Variants in ADAMTS19 observed in about 807,000 individuals in gnomAD.
ADAMTS19 encodes the protein A disintegrin and metalloproteinase with thrombospondin motifs 19.
A neutral mutation model predicts 153.3 loss-of-function variants in ADAMTS19; 93 were observed. That is an observed-to-expected ratio of 0.61 (90% CI 0.51 to 0.72). The LOEUF is 0.72. ADAMTS19 is among the 30% of genes least tolerant of loss of function. ADAMTS19 has a pLI of 0.00. For missense variants in ADAMTS19, 1,482 were observed against 1,552.1 expected (o/e 0.95, Z 0.76); for synonymous variants, 600 against 556.6 (o/e 1.08, Z -1.10).
intron 6 of ADAMTS19, among the ~76,000 whole-genome samples, chr5:129,543,630 G>A (rs773509635): frequency 2.0e-5 from 3 of 152,112 alleles, no homozygotes; most frequent in Non-Finnish European, 2.9e-5. Flanking sequence ...GGCAAACAGA[G>A]GTAGGGGAAA....
At position 129,464,071 on chromosome 5, in the gene ADAMTS19, A is replaced by C. The variant is rs1580973547; in HGVS notation, c.747+2314A>C. Among the ~76,000 whole-genome samples the C allele has an allele frequency of 2.6e-5, 4 of 152,224 alleles. No individual in the cohort carries two copies. In the South Asian group the frequency reaches 8.3e-4, roughly 32 times the overall value. On this transcript the variant is annotated intron_variant, in intron 2 of 22. Coordinates refer to ENST00000274487, the MANE Select transcript of ADAMTS19 (RefSeq NM_133638.6). The stretch of plus-strand genomic sequence containing the variant: ...ATGGAGAGGATTTCACCAGGCAGAA[A>C]AAAAAGCTGGAGTGTTGTAGGTAGA...
chr5:129,677,416 G>A (rs1054288455), intron 16 of ADAMTS19, among the ~76,000 whole-genome samples: 2 of 151,934 alleles, frequency 1.3e-5, no homozygotes. Context: ...GGCAGAAGTT[G>A]CAGTGAGCTG....
intron 10 of ADAMTS19, among the ~76,000 whole-genome samples, chr5:129,634,508 T>C (rs1307853046): frequency 6.6e-6 from 1 of 152,064 alleles, no homozygotes; most frequent in Non-Finnish European, 1.5e-5. Flanking sequence ...GCTGGAGGCA[T>C]GATGTTACCT....
At chr5:129,732,241 A>G (rs1757469441) in intron 21 of ADAMTS19, among the ~76,000 whole-genome samples, 1 of 152,136 alleles carries the variant, frequency 6.6e-6, no homozygotes, top group South Asian at 2.1e-4. Flanking sequence ...GAATGGGAAA[A>G]AGTTGAATGC....
chr5:129,566,819 A>T (rs1196292237), intron 7 of ADAMTS19, among the ~76,000 whole-genome samples: 1 of 152,130 alleles, frequency 6.6e-6, no homozygotes, highest in Admixed American at 6.5e-5. Context: ...AAATTTGGAT[A>T]AATCTTCCTC....
intron 2 of ADAMTS19, among the ~76,000 whole-genome samples, chr5:129,502,510 A>T (rs549966938): frequency 6.6e-6 from 1 of 152,276 alleles, no homozygotes; most frequent in Admixed American, 6.5e-5. Flanking sequence ...TGCTCAGATG[A>T]TTTCTAACTT....
intron 18 of ADAMTS19, among the ~76,000 whole-genome samples, chr5:129,692,141 G>A (rs1279607791): frequency 3.3e-5 from 5 of 151,914 alleles, no homozygotes; most frequent in African/African-American, 4.8e-5. Flanking sequence ...CCTGCTTTTG[G>A]CTATCGCATC....
At chr5:129,465,694 A>G (rs548429913) in intron 2 of ADAMTS19, among the ~76,000 whole-genome samples, 79 of 152,322 alleles carry the variant, frequency 5.2e-4, no homozygotes, top group Non-Finnish European at 1.0e-3. Context: ...AGGAATGGGT[A>G]AAGAGAAATA....
At position 129,645,885 on chromosome 5, in the gene ADAMTS19, A is replaced by ATTTTTTTTTTTTTTTTTTTTTTTT. The variant is rs529444004; in HGVS notation, c.1873-1859_1873-1858insTTTTTTTTTTTTTTTTTTTTTTTT. Among the ~76,000 whole-genome samples the ATTTTTTTTTTTTTTTTTTTTTTTT allele has an allele frequency of 8.4e-4, 82 of 97,072 alleles. 5 individuals carry two copies. Among genetic ancestry groups the ATTTTTTTTTTTTTTTTTTTTTTTT allele is most frequent in the East Asian group, 1.7e-3 (5 of 2,864 alleles). The allele number at this position is 97,072 out of a possible 152,430, so 63.7% of individuals were successfully genotyped here. On this transcript the variant is annotated intron_variant, in intron 11 of 22. Transcript: ENST00000274487. ...CACATGGTTTCTTTCTCCTTTTCCAATTTTTTTTTTTTTTTTTTTTTGAGA... is the reference window on the plus strand; with the variant it reads ...CACATGGTTTCTTTCTCCTTTTCCAATTTTTTTTTTTTTTTTTTTTTTTTTTTTTTTTTTTTTTTTTTTTTGAGA...
At chr5:129,524,742 A>G (rs751520303) in intron 3 of ADAMTS19, among the ~76,000 whole-genome samples, 1 of 151,876 alleles carries the variant, frequency 6.6e-6, no homozygotes, top group Non-Finnish European at 1.5e-5. Flanking sequence ...CTGCACATGT[A>G]TCCCAGAACT....
At chr5:129,483,573 G>A (rs1053399665) in intron 2 of ADAMTS19, among the ~76,000 whole-genome samples, 7 of 152,098 alleles carry the variant, frequency 4.6e-5, no homozygotes, top group African/African-American at 1.7e-4. Context: ...GAAGAAGGAG[G>A]CACAATCACA....
intron 6 of ADAMTS19, among the ~76,000 whole-genome samples, chr5:129,548,033 A>C (rs890795545): frequency 6.6e-6 from 1 of 150,808 alleles, no homozygotes; most frequent in Admixed American, 6.6e-5. Context: ...TTCAAGATGG[A>C]TTAAAGACTT....
In ADAMTS19 at chr5:129,461,430, G is replaced by C; in HGVS notation, c.420G>C (p.Pro140=). 7.1e-7 allele frequency: 1 copy of C among 1,399,768 alleles called. No homozygotes were observed. 86.7% of individuals were successfully genotyped at this position (1,399,768 alleles called of 1,614,324 possible). A position where few individuals can be genotyped will look rare whatever the true frequency, so the allele number is the denominator to read the frequency against. ...CCAGCGGGGCTGCCGCCTTGTCCCC[G>C]GGCGCCCCGGCCTCGTGGCAGCCGC... ...RGSSGAAALS[P]GAPASWQPPP... Residue 140 remains proline, a synonymous_variant, in exon 2 of 23, where the codon CCG becomes CCC. Transcript: ENST00000274487. This position sits in a 1 kb window ranked among gnomAD's most constrained non-coding sequence, Gnocchi z 4.6.
chr5:129,638,545 T>G (rs911899828), intron 10 of ADAMTS19, among the ~76,000 whole-genome samples: 1 of 148,732 alleles, frequency 6.7e-6, no homozygotes, highest in African/African-American at 2.5e-5. Flanking sequence ...TGTTTCCTAT[T>G]TTAGTACTCT....
intron 7 of ADAMTS19, among the ~76,000 whole-genome samples, chr5:129,553,669 T>C (rs965131103): frequency 6.6e-6 from 1 of 152,158 alleles, no homozygotes; most frequent in African/African-American, 2.4e-5. Context: ...AAAGCCTAGT[T>C]CTCCCTTCCG....
chr5:129,722,041 G>A (rs1431695510), intron 21 of ADAMTS19, among the ~76,000 whole-genome samples: 2 of 152,044 alleles, frequency 1.3e-5, no homozygotes, highest in Non-Finnish European at 2.9e-5. Context: ...TTGCTATTGC[G>A]AATAGTGCTG....
chr5:129,664,917 C>T (rs1753973206), intron 15 of ADAMTS19, among the ~76,000 whole-genome samples: 1 of 152,100 alleles, frequency 6.6e-6, no homozygotes, highest in African/African-American at 2.4e-5. Context: ...TGTCTTGGGT[C>T]TAGCTATCTG....
At chr5:129,721,197 G>C (rs2127200216) in intron 21 of ADAMTS19, among the ~76,000 whole-genome samples, 1 of 152,282 alleles carries the variant, frequency 6.6e-6, no homozygotes. Flanking sequence ...ACTAAGCATA[G>C]TGGTGTTCAT....
At chr5:129,563,385 C>G (rs964100664) in intron 7 of ADAMTS19, among the ~76,000 whole-genome samples, 1 of 152,076 alleles carries the variant, frequency 6.6e-6, no homozygotes, top group Non-Finnish European at 1.5e-5. Flanking sequence ...AGCCTTTGGA[C>G]TAGGCGAAGA....
Sources: gnomAD v4.1 joint callset for allele counts (sites outside exome capture counted in the v4.1 genomes callset) on GRCh38, gnomAD v4.1.1 for gene constraint, Gnocchi (gnomAD v3.1) non-coding constraint, MANE v1.5 for transcripts, NCBI Gene and HGNC (gene_info 2026-07-23, HGNC 2026-07-21) for gene names.